Variants in ARHGAP12 observed in about 807,000 individuals in gnomAD.
The protein encoded by ARHGAP12 is Rho GTPase activating protein 12, also known as rho GTPase-activating protein 12.
Under a neutral mutation model 108.6 loss-of-function variants are expected in ARHGAP12, and 64 were observed. That is an observed-to-expected ratio of 0.59 (90% CI 0.48 to 0.73). ARHGAP12 has a LOEUF of 0.73. Ranked by LOEUF, ARHGAP12 falls within the 30% of genes least tolerant of loss-of-function variation. The pLI is 0.00. For synonymous variants in ARHGAP12, 312 were observed against 337.2 expected (o/e 0.93, Z 0.82); for missense variants, 940 against 1,005.9 (o/e 0.93, Z 0.89).
chr10:31,902,739 A>G (rs1838981184), intron 3 of ARHGAP12, among the ~76,000 whole-genome samples: 1 of 152,162 alleles, frequency 6.6e-6, no homozygotes, highest in Non-Finnish European at 1.5e-5. Flanking sequence ...ATAAACTTAA[A>G]AAAAAATAAA....
intron 1 of ARHGAP12, among the ~76,000 whole-genome samples, chr10:31,914,898 T>G (rs189125946): frequency 1.4e-4 from 22 of 152,260 alleles, no homozygotes; most frequent in African/African-American, 5.3e-4. Context: ...TAACTGTCCA[T>G]TAAAGGATAA....
At chr10:31,887,447 G>A (rs886453100) in intron 3 of ARHGAP12, among the ~76,000 whole-genome samples, 1 of 152,066 alleles carries the variant, frequency 6.6e-6, no homozygotes, top group Admixed American at 6.6e-5. Context: ...ACCATCACAA[G>A]TTCACCCCTT....
chr10:31,892,189 G>T (rs1164605588), intron 3 of ARHGAP12, among the ~76,000 whole-genome samples: 1 of 152,164 alleles, frequency 6.6e-6, no homozygotes, highest in Non-Finnish European at 1.5e-5. Context: ...AGGCTAGGAA[G>T]AAACTGCATC....
At position 31,843,481 on chromosome 10, in the gene ARHGAP12, C is replaced by A; in HGVS notation, c.1276G>T (p.Val426Leu). Reference protein sequence around the residue: ...VLTKWRHSTIVLDTNDKESPT... With the variant: ...VLTKWRHSTILLDTNDKESPT... ...CCTACCTTATCATTAGTGTCCAATACAATGGTGCTATGTCTCCACTTTGTT... is the reference window on the plus strand; with the variant it reads ...CCTACCTTATCATTAGTGTCCAATAAAATGGTGCTATGTCTCCACTTTGTT... The change falls in exon 7 of 20, where the codon GTA (valine) becomes TTA (leucine). Residue 426 changes from valine to leucine, a missense_variant. Coordinates refer to ENST00000344936, the MANE Select transcript of ARHGAP12 (RefSeq NM_018287.7). The A allele has an allele frequency of 6.2e-7, 1 of 1,612,988 alleles. No individual in the cohort carries two copies. The highest frequency in any genetic ancestry group is 1.3e-5 in the African/African-American group (1 of 74,970).
chr10:31,886,016 G>A (rs1838175259), intron 3 of ARHGAP12, among the ~76,000 whole-genome samples: 1 of 152,032 alleles, frequency 6.6e-6, no homozygotes, highest in East Asian at 1.9e-4. Context: ...CTAAAATTCT[G>A]ATCTTGACTG....
chr10:31,843,548 TTTAA>T lies in ARHGAP12; in HGVS notation c.1205_1208del (p.Ile402LysfsTer13). 1 of 1,610,820 alleles carries T rather than the reference TTTAA, an allele frequency of 6.2e-7. No individual in the cohort carries two copies. Among genetic ancestry groups the T allele is most frequent in the Non-Finnish European group, 8.5e-7 (1 of 1,179,104 alleles). On this transcript the variant is annotated frameshift_variant, in exon 7 of 20. Transcript: ENST00000344936. LOFTEE classifies it high-confidence loss of function. ...GCAGCCGCCTGTCCAGGCTCCTACT[TTTAA>T]TTATTTCTCTTTGCTGCTGGGATGA...
At chr10:31,915,241 C>T (rs1839505691) in intron 1 of ARHGAP12, among the ~76,000 whole-genome samples, 1 of 152,050 alleles carries the variant, frequency 6.6e-6, no homozygotes, top group African/African-American at 2.4e-5. Context: ...ACAAAATTAG[C>T]CAGGCGTGGT....
chr10:31,888,672 T>C (rs1564413539), intron 3 of ARHGAP12, among the ~76,000 whole-genome samples: 1 of 152,164 alleles, frequency 6.6e-6, no homozygotes, highest in Non-Finnish European at 1.5e-5. Flanking sequence ...AAGCTAGTCA[T>C]AGCTGGGTTT....
intron 9 of ARHGAP12, among the ~76,000 whole-genome samples, chr10:31,837,879 T>G (rs1836087118): frequency 6.6e-6 from 1 of 152,194 alleles, no homozygotes; most frequent in African/African-American, 2.4e-5. Flanking sequence ...TCAACAAATA[T>G]TTACTGAGCA....
At chr10:31,880,795 G>A (rs1837919437) in intron 3 of ARHGAP12, among the ~76,000 whole-genome samples, 1 of 151,880 alleles carries the variant, frequency 6.6e-6, no homozygotes, top group African/African-American at 2.4e-5. Context: ...GGCCGGGAGT[G>A]GTGGCTCATG....
Position 31,908,709 on chromosome 10 carries a change from GTCA to G in ARHGAP12, c.144_146del (p.Asp49del). The G allele has an allele frequency of 6.2e-7, 1 of 1,614,096 alleles. No individual in the cohort carries two copies. The highest frequency in any genetic ancestry group is 8.5e-7 in the Non-Finnish European group (1 of 1,180,026). ...TTTCATCTGGCTTGACTTGCCACCAGTCATCATTGGTCTTTTTCACCAAGATGT... is the reference window on the plus strand; with the variant it reads ...TTTCATCTGGCTTGACTTGCCACCAGTCATTGGTCTTTTTCACCAAGATGT... On this transcript the variant is annotated inframe_deletion, in exon 3 of 20. Transcript: ENST00000344936.
chr10:31,908,538 A>C lies in ARHGAP12; in HGVS notation c.318T>G (p.Asn106Lys). 1 of 1,614,098 alleles carries C rather than the reference A, an allele frequency of 6.2e-7. No individual in the cohort carries two copies. The highest frequency in any genetic ancestry group is 8.5e-7 in the Non-Finnish European group (1 of 1,180,030). Residue 106 changes from asparagine (N) to lysine (K), a missense_variant, in exon 3 of 20, where the codon AAT becomes AAG. Asn to Lys is a moderately conservative substitution (Grantham distance 94). Transcript: ENST00000344936. The stretch of plus-strand genomic sequence containing the variant: ...TTGAAAGCTCAGGCAATTTGTTCAC[A>C]TTTTCTGTTGATCTCTGAAGATGCA... ...QSLHLQRSTE[N>K]VNKLPELSSF...
chr10:31,875,712 C>A (rs571788115), intron 3 of ARHGAP12, among the ~76,000 whole-genome samples: 1 of 152,250 alleles, frequency 6.6e-6, no homozygotes, highest in Non-Finnish European at 1.5e-5. Flanking sequence ...CCACTTTAAC[C>A]ATTCTCATGT....
chr10:31,904,531 T>C (rs1839046259), intron 3 of ARHGAP12, among the ~76,000 whole-genome samples: 1 of 152,186 alleles, frequency 6.6e-6, no homozygotes, highest in Admixed American at 6.5e-5. Flanking sequence ...ATATTAACTG[T>C]ACCAATCTGA....
Position 31,894,586 on chromosome 10 carries a change from G to A in ARHGAP12, c.684+13586C>T, listed in dbSNP as rs1166467112. Among the ~76,000 whole-genome samples, 9 of 151,654 alleles carry A rather than the reference G, an allele frequency of 5.9e-5. No individual in the cohort carries two copies. The South Asian group carries it at 1.0e-3, about 18-fold the overall frequency. On this transcript the variant is annotated intron_variant, in intron 3 of 19. Coordinates refer to ENST00000344936, the MANE Select transcript of ARHGAP12 (RefSeq NM_018287.7). The stretch of plus-strand genomic sequence containing the variant: ...AAGGAGAACTACAAACCACTGCTCA[G>A]TGAAATAAAAGAGGATACAAACAAA...
chr10:31,848,654 TTCA>T (rs1836555887), intron 6 of ARHGAP12, among the ~76,000 whole-genome samples: 1 of 152,256 alleles, frequency 6.6e-6, no homozygotes, highest in African/African-American at 2.4e-5. Flanking sequence ...TTCTAATTTA[TTCA>T]TCATATTTAC....
intron 15 of ARHGAP12, among the ~76,000 whole-genome samples, chr10:31,811,412 T>C (rs1835011793): frequency 6.6e-6 from 1 of 152,200 alleles, no homozygotes; most frequent in Admixed American, 6.5e-5. Flanking sequence ...TCCATATTAG[T>C]GGTAAATGTT....
intron 3 of ARHGAP12, among the ~76,000 whole-genome samples, chr10:31,878,992 A>G (rs1837838762): frequency 1.3e-5 from 2 of 152,268 alleles, no homozygotes; most frequent in African/African-American, 4.8e-5. Flanking sequence ...CAGAAAGAAC[A>G]GAAAATGAAA....
intron 5 of ARHGAP12, 141 bp downstream of exon 5, chr10:31,853,925 T>C (rs1340606925): frequency 4.6e-6 from 4 of 872,178 alleles, no homozygotes; most frequent in African/African-American, 1.7e-5. Flanking sequence ...AGTTTTCGTA[T>C]TGTCAATTGG....
Sources: gnomAD v4.1 joint callset for allele counts (sites outside exome capture counted in the v4.1 genomes callset) on GRCh38, gnomAD v4.1.1 for gene constraint, MANE v1.5 for transcripts, NCBI Gene and HGNC (gene_info 2026-07-23, HGNC 2026-07-21) for gene names.